Variants in RUFY1 observed in about 807,000 individuals in gnomAD.
The protein encoded by RUFY1 is RUN and FYVE domain containing 1.
A neutral mutation model predicts 94.6 loss-of-function variants in RUFY1; 54 were observed. The ratio of observed to expected loss-of-function variants is 0.57; its 90% CI spans 0.46 to 0.72. The LOEUF (loss-of-function observed/expected upper bound fraction) is 0.72, where lower values mean the gene tolerates loss of function less well. Ranked by LOEUF, RUFY1 falls within the 30% of genes least tolerant of loss-of-function variation. The pLI is 0.00. For missense variants in RUFY1, 883 were observed against 883.9 expected, an observed-to-expected ratio of 1.00 and a Z score of 0.01; for synonymous variants, 396 against 347.3, an observed-to-expected ratio of 1.14 and a Z score of -1.56.
chr5:179,577,278 T>A, intron 6 of RUFY1, 142 bp downstream of exon 6: 1 of 564,446 alleles, frequency 1.8e-6, no homozygotes, highest in East Asian at 3.0e-5. Flanking sequence ...TTCAAGCGAT[T>A]CTTCTGCCTC....
intron 1 of RUFY1, among the ~76,000 whole-genome samples, chr5:179,559,508 C>G (rs963031637): frequency 2.6e-5 from 4 of 152,204 alleles, no homozygotes; most frequent in African/African-American, 9.6e-5. Flanking sequence ...GAAAAGCCTT[C>G]TGGGCGGGGT....
At position 179,591,757 on chromosome 5, in the gene RUFY1, C is replaced by T. The variant is rs769438894; in HGVS notation, c.1245+16C>T. On this transcript the variant is annotated intron_variant, in intron 10 of 17. Coordinates refer to ENST00000319449, the MANE Select transcript of RUFY1 (RefSeq NM_025158.5). The stretch of plus-strand genomic sequence containing the variant: ...AGTCCGGTTGGTGAGTGTGCAAGAC[C>T]GAGTGTCTTTAGAAAGAGTTTCCCC... The T allele has an allele frequency of 2.8e-5, 40 of 1,432,714 alleles. No homozygotes were observed. Among genetic ancestry groups the T allele is most frequent in the Middle Eastern group, 1.8e-4 (1 of 5,698 alleles). 88.8% of individuals were successfully genotyped at this position (1,432,714 alleles called of 1,614,324 possible).
intron 8 of RUFY1, chr5:179,586,314 C>T (rs1333376245): frequency 2.2e-6 from 1 of 458,056 alleles, no homozygotes; most frequent in African/African-American, 2.0e-5. Context: ...TGCGGTCTTT[C>T]TCTGCTTTCT....
Position 179,581,031 on chromosome 5 carries a change from T to TC in RUFY1, c.956+20dup, listed in dbSNP as rs778922704. 1 of 1,525,368 alleles carries TC rather than the reference T, an allele frequency of 6.6e-7. No homozygotes were observed. The highest frequency in any genetic ancestry group is 1.8e-5 in the Admixed American group (1 of 56,826). The allele number at this position is 1,525,368 out of a possible 1,614,324, so 94.5% of individuals were successfully genotyped here. A position where few individuals can be genotyped will look rare whatever the true frequency, so the allele number is the denominator to read the frequency against. ...ACTTGAGGTAAGACTCCTTTTTTTT[T>TC]CAATGTGACAGTTACATACTCGGTA... On this transcript the variant is annotated intron_variant, in intron 7 of 17. Transcript: ENST00000319449.
intron 15 of RUFY1, chr5:179,602,386 A>G (rs146604240): frequency 2.1e-3 from 389 of 182,528 alleles, no homozygotes; most frequent in African/African-American, 8.4e-3. Flanking sequence ...CCCGCCTTGC[A>G]CAGCACAGCC....
intron 17 of RUFY1, among the ~76,000 whole-genome samples, 184 bp from the exon 18 acceptor site, chr5:179,609,192 G>A (rs1036748738): frequency 8.6e-6 from 1 of 116,708 alleles, no homozygotes. Context: ...GGGCGACTGA[G>A]CAAGACTCTA....
At chr5:179,572,868 C>G (rs1169423571) in intron 5 of RUFY1, 1 of 152,304 alleles carries the variant, frequency 6.6e-6, no homozygotes, top group East Asian at 1.9e-4. Flanking sequence ...CCTTCTGCTT[C>G]TACCTGGGTA....
At chr5:179,578,302 C>T (rs972054938) in intron 6 of RUFY1, among the ~76,000 whole-genome samples, 2 of 152,176 alleles carry the variant, frequency 1.3e-5, no homozygotes, top group East Asian at 3.8e-4. Flanking sequence ...CAACCTCCGC[C>T]TCCCCGGTTC....
chr5:179,602,696 A>G (rs1418037521), intron 15 of RUFY1: 1 of 152,308 alleles, frequency 6.6e-6, no homozygotes, highest in Non-Finnish European at 1.5e-5. Context: ...AAGTGGCTTA[A>G]GCAAAAGAAG....
In RUFY1 at chr5:179,550,820, C is replaced by G; in HGVS notation, c.251C>G (p.Ala84Gly). 7.9e-7 allele frequency: 1 copy of G among 1,264,598 alleles called. No individual in the cohort carries two copies. Among genetic ancestry groups the G allele is most frequent in the Non-Finnish European group, 9.9e-7 (1 of 1,009,026 alleles). The allele number at this position is 1,264,598 out of a possible 1,614,324, so 78.3% of individuals were successfully genotyped here. A position where few individuals can be genotyped will look rare whatever the true frequency, so the allele number is the denominator to read the frequency against. The change falls in exon 1 of 18, where the codon GCG (alanine) becomes GGG (glycine). Residue 84 changes from alanine to glycine, a missense_variant. Physicochemically the swap from Ala to Gly is moderately conservative, Grantham distance 60 (BLOSUM62 0). Transcript: ENST00000319449. ...TGNLSASCGS[A>G]LRAAAGLGGG... is the part of the protein sequence containing the mutation. ...AACCTGTCGGCGAGCTGCGGGAGCG[C>G]GCTGCGCGCGGCCGCGGGGCTGGGC...
Position 179,550,993 on chromosome 5 carries a change from G to A in RUFY1, c.310+114G>A, listed in dbSNP as rs550214486. 12 of 905,816 alleles carry A rather than the reference G, an allele frequency of 1.3e-5. No individual in the cohort carries two copies. In the Admixed American group the frequency reaches 1.8e-4, roughly 13 times the overall value. 56.1% of individuals were successfully genotyped at this position (905,816 alleles called of 1,614,324 possible). The stretch of plus-strand genomic sequence containing the variant: ...CACTGGCCGTTCCGGGAGGTTACGC[G>A]AGCTGTTGGCGGGCGGGCGGCGCCT... On this transcript the variant is annotated intron_variant, in intron 1 of 17. Transcript: ENST00000319449.
intron 7 of RUFY1, among the ~76,000 whole-genome samples, chr5:179,584,008 A>G (rs549028062): frequency 1.3e-5 from 2 of 152,320 alleles, no homozygotes; most frequent in South Asian, 2.1e-4. Flanking sequence ...TCGGCCTCCC[A>G]AAGTGCTGGG....
intron 6 of RUFY1, among the ~76,000 whole-genome samples, chr5:179,580,259 T>C (rs1562022357): frequency 9.2e-6 from 1 of 108,790 alleles, no homozygotes; most frequent in Non-Finnish European, 2.2e-5. Flanking sequence ...TTTTTTTTTT[T>C]TGAGACGGAG....
rs1373398442 is a variant in RUFY1, at chr5:179,593,341, G to C, written c.1246-137G>C. 6.1e-6 allele frequency: 6 copies of C among 981,958 alleles called. No homozygotes were observed. The Admixed American group carries it at 9.0e-5, about 15-fold the overall frequency. 60.8% of individuals were successfully genotyped at this position (981,958 alleles called of 1,614,324 possible). A position where few individuals can be genotyped will look rare whatever the true frequency, so the allele number is the denominator to read the frequency against. On this transcript the variant is annotated intron_variant, in intron 10 of 17. Coordinates refer to ENST00000319449, the MANE Select transcript of RUFY1 (RefSeq NM_025158.5). ...GATCCGCCCACCTCAGCCTCCCAAA[G>C]TGCTGAGGATTACAGGCATGAGCCA... is the stretch of plus-strand genomic sequence containing the variant.
intron 6 of RUFY1, among the ~76,000 whole-genome samples, chr5:179,579,085 A>G (rs1438043455): frequency 6.6e-6 from 1 of 152,148 alleles, no homozygotes; most frequent in African/African-American, 2.4e-5. Context: ...TTTCACTGTA[A>G]ACCTTGGGAT....
At position 179,569,403 on chromosome 5, in the gene RUFY1, AAGG is replaced by A; in HGVS notation, c.809_811del (p.Gly270del). ...GTTCTCGATGCCAATCTCTGCTTGA[AAGG>A]AGAAGACTTGGATTCTCAGGTAAAA... On this transcript the variant is annotated inframe_deletion, in exon 5 of 18. Coordinates refer to ENST00000319449, the MANE Select transcript of RUFY1 (RefSeq NM_025158.5). 6.2e-7 allele frequency: 1 copy of A among 1,613,660 alleles called. No individual in the cohort carries two copies. The highest frequency in any genetic ancestry group is 8.5e-7 in the Non-Finnish European group (1 of 1,179,968).
intron 8 of RUFY1, among the ~76,000 whole-genome samples, chr5:179,588,045 G>A (rs756839458): frequency 6.6e-6 from 1 of 152,048 alleles, no homozygotes; most frequent in Non-Finnish European, 1.5e-5. Context: ...CCCTCTTCAG[G>A]GTGTGCTCTC....
intron 9 of RUFY1, among the ~76,000 whole-genome samples, chr5:179,590,528 A>G (rs913851706): frequency 6.6e-6 from 1 of 150,458 alleles, no homozygotes; most frequent in Non-Finnish European, 1.5e-5. Context: ...TCTGTCGCCC[A>G]GGCTGGAGTG....
At position 179,569,430 on chromosome 5, in the gene RUFY1, A is replaced by G. The variant is rs771690872; in HGVS notation, c.828+5A>G. The G allele has an allele frequency of 6.2e-7, 1 of 1,613,440 alleles. No homozygotes were observed. Among genetic ancestry groups the G allele is most frequent in the South Asian group, 1.1e-5 (1 of 91,062 alleles). On this transcript the variant is annotated splice_donor_5th_base_variant and intron_variant, in intron 5 of 17. Coordinates refer to ENST00000319449, the MANE Select transcript of RUFY1 (RefSeq NM_025158.5). ...GGAGAAGACTTGGATTCTCAGGTAA[A>G]ATGAAATTTTGGCTCTAGATGAACA...
Sources: allele counts gnomAD v4.1 joint callset (sites outside exome capture counted in the v4.1 genomes callset), GRCh38; gene constraint gnomAD v4.1.1; transcripts MANE v1.5; gene names NCBI Gene and HGNC (gene_info 2026-07-23, HGNC 2026-07-21).